Variants in PALM2AKAP2 observed in about 807,000 individuals in gnomAD.
PALM2AKAP2 encodes PALM2 and AKAP2 fusion, also known as PALM2-AKAP2 fusion protein.
A neutral mutation model predicts 71.5 loss-of-function variants in PALM2AKAP2; 37 were observed. The observed-to-expected ratio is 0.52, with a 90% CI of 0.40 to 0.68. PALM2AKAP2 has a LOEUF of 0.68. Among genes scored for constraint, PALM2AKAP2 ranks in the 30% least tolerant of loss-of-function variants. The pLI is 0.00. For synonymous variants in PALM2AKAP2, 468 were observed against 478.8 expected (o/e 0.98, Z 0.29); for missense variants, 1,224 against 1,191.8 (o/e 1.03, Z -0.40).
chr9:110,170,538 G>A (rs1410864071), exon 4 of PALM2AKAP2: 1 of 152,204 alleles, frequency 6.6e-6, no homozygotes, highest in African/African-American at 2.4e-5. Flanking sequence ...CTAACTTGAA[G>A]CCACATCCTA....
chr9:110,046,656 C>T (rs1478175293), upstream of PALM2AKAP2, among the ~76,000 whole-genome samples: 3 of 151,908 alleles, frequency 2.0e-5, no homozygotes, highest in Admixed American at 6.6e-5. Context: ...TTAGTAGAGA[C>T]GAGGTTTCTC....
At chr9:109,984,724 T>C (rs1173010348) in intron 6 of PALM2AKAP2, among the ~76,000 whole-genome samples, 1 of 143,626 alleles carries the variant, frequency 7.0e-6, no homozygotes, top group African/African-American at 2.6e-5. Flanking sequence ...TAAAGAAAAA[T>C]CAGCTGGGTG....
At chr9:109,979,268 C>T (rs1189428113) in intron 6 of PALM2AKAP2, among the ~76,000 whole-genome samples, 1 of 152,242 alleles carries the variant, frequency 6.6e-6, no homozygotes, top group African/African-American at 2.4e-5. Context: ...GCTGGGATTA[C>T]AAGTGTTAGC....
intron 7 of PALM2AKAP2, among the ~76,000 whole-genome samples, chr9:110,037,341 G>A (rs1588071522): frequency 1.3e-5 from 2 of 152,206 alleles, no homozygotes; most frequent in South Asian, 2.1e-4. Context: ...CGAGTAGCTG[G>A]GATTACAGAC....
rs1369159353 is a variant in PALM2AKAP2 at position 109,856,170 on chromosome 9, TA to T, written c.46-11320del. On this transcript the variant is annotated intron_variant, in intron 1 of 9. Coordinates refer to the PALM2AKAP2 transcript ENST00000302798. The stretch of plus-strand genomic sequence containing the variant: ...GTTTTATGTGTTCAAATCCTTGACT[TA>T]GCAGTTCTGCTGGTAGAAATCCACC... 7.2e-4 allele frequency among the ~76,000 whole-genome samples: 110 copies of T among 152,374 alleles called. 1 individual carries two copies. Among genetic ancestry groups the T allele is most frequent in the African/African-American group, 2.6e-3 (110 of 41,588 alleles).
intron 1 of PALM2AKAP2, among the ~76,000 whole-genome samples, chr9:110,103,784 GCTAT>G (rs1835053541): frequency 6.6e-6 from 1 of 152,190 alleles, no homozygotes; most frequent in African/African-American, 2.4e-5. Flanking sequence ...GATTTGAGAT[GCTAT>G]CTGAGGCCAA....
At chr9:110,023,314 T>A in intron 7 of PALM2AKAP2, among the ~76,000 whole-genome samples, 1 of 129,636 alleles carries the variant, frequency 7.7e-6, no homozygotes, top group Non-Finnish European at 1.6e-5. Flanking sequence ...TCTTTTTTTT[T>A]TTTTTTTTTT....
intron 1 of PALM2AKAP2, among the ~76,000 whole-genome samples, chr9:109,836,784 G>C (rs567700495): frequency 6.6e-6 from 1 of 152,258 alleles, no homozygotes; most frequent in South Asian, 2.1e-4. Flanking sequence ...TATCAGTGAT[G>C]GAAGATCGAA....
chr9:109,641,933 T>TA (rs2132224705), intron 1 of PALM2AKAP2, among the ~76,000 whole-genome samples: 1 of 152,300 alleles, frequency 6.6e-6, no homozygotes, highest in East Asian at 1.9e-4. Context: ...AGAGATGGTG[T>TA]AGCATTGTAG....
intron 1 of PALM2AKAP2, chr9:110,125,468 G>GGAGGA (rs1835580353): frequency 1.0e-6 from 1 of 981,706 alleles, no homozygotes; most frequent in African/African-American, 1.7e-5. Flanking sequence ...AGGGCCCACG[G>GGAGGA]TGACATCACA....
At chr9:109,703,473 C>T (rs1382565711) in intron 1 of PALM2AKAP2, among the ~76,000 whole-genome samples, 1 of 151,604 alleles carries the variant, frequency 6.6e-6, no homozygotes, top group Non-Finnish European at 1.5e-5. Context: ...CTATTATGTC[C>T]TGAAAATGTC....
At chr9:109,985,891 C>T (rs1832368215) in intron 6 of PALM2AKAP2, among the ~76,000 whole-genome samples, 1 of 152,044 alleles carries the variant, frequency 6.6e-6, no homozygotes, top group African/African-American at 2.4e-5. Flanking sequence ...CTCAAATGAT[C>T]CCCCCACCTT....
At chr9:110,082,417 G>A (rs1460110604) in intron 1 of PALM2AKAP2, among the ~76,000 whole-genome samples, 1 of 152,096 alleles carries the variant, frequency 6.6e-6, no homozygotes, top group Non-Finnish European at 1.5e-5. Context: ...AGTGAAATCT[G>A]ATATGGTATA....
At chr9:109,968,567 A>AC (rs1432108010) in intron 6 of PALM2AKAP2, among the ~76,000 whole-genome samples, 1 of 152,040 alleles carries the variant, frequency 6.6e-6, no homozygotes, top group Non-Finnish European at 1.5e-5. Context: ...GTTTCATTGC[A>AC]CCCTACAAAG....
At chr9:109,912,651 G>A (rs1238858631) in intron 3 of PALM2AKAP2, among the ~76,000 whole-genome samples, 1 of 152,186 alleles carries the variant, frequency 6.6e-6, no homozygotes, top group Non-Finnish European at 1.5e-5. Context: ...ATATTGAAAT[G>A]GAGGTATTAA....
At chr9:109,898,894 C>A (rs1564200858) in intron 3 of PALM2AKAP2, among the ~76,000 whole-genome samples, 1 of 152,318 alleles carries the variant, frequency 6.6e-6, no homozygotes, top group African/African-American at 2.4e-5. Flanking sequence ...GCAACGGAAG[C>A]TGCTGAATGC....
At chr9:109,659,910 G>A (rs1279539612) in intron 1 of PALM2AKAP2, among the ~76,000 whole-genome samples, 3 of 152,040 alleles carry the variant, frequency 2.0e-5, no homozygotes, top group African/African-American at 4.8e-5. Flanking sequence ...GTGTGATCAT[G>A]GTTTACTTCA....
At chr9:109,921,527 C>G (rs1324039058) in intron 3 of PALM2AKAP2, among the ~76,000 whole-genome samples, 1 of 152,158 alleles carries the variant, frequency 6.6e-6, no homozygotes, top group Admixed American at 6.5e-5. Flanking sequence ...ATATGGTAGA[C>G]TTGATAAGAC....
chr9:109,746,691 G>A (rs149256511), intron 1 of PALM2AKAP2, among the ~76,000 whole-genome samples: 2 of 151,826 alleles, frequency 1.3e-5, no homozygotes, highest in African/African-American at 4.8e-5. Flanking sequence ...AGGCACTGCT[G>A]TAAATGCTTT....
Sources: gnomAD v4.1 joint callset for allele counts (sites outside exome capture counted in the v4.1 genomes callset) on GRCh38, gnomAD v4.1.1 for gene constraint, MANE v1.5 for transcripts, NCBI Gene and HGNC (gene_info 2026-07-23, HGNC 2026-07-21) for gene names.